The following PUM1 variants were observed in gnomAD, a reference collection of about 807,000 sequenced individuals.
The protein encoded by PUM1 is pumilio RNA binding family member 1.
In PUM1, 13 loss-of-function variants were observed where a neutral mutation model predicts 131.8. The observed-to-expected ratio is 0.10, with a 90% CI of 0.06 to 0.16. PUM1 has a LOEUF of 0.16. PUM1 is among the 10% of genes least tolerant of loss of function. The pLI, the probability that PUM1 is intolerant of heterozygous loss-of-function variation, is 1.00. For missense variants in PUM1, 961 were observed against 1,512.4 expected (o/e 0.64, Z 6.05); for synonymous variants, 509 against 556.5 (o/e 0.91, Z 1.20).
intron 21 of PUM1, among the ~76,000 whole-genome samples, chr1:30,934,955 G>A (rs1000409213): frequency 6.6e-6 from 1 of 152,126 alleles, no homozygotes; most frequent in African/African-American, 2.4e-5. Flanking sequence ...ACTTAGTAAT[G>A]GAAGAGCTGA....
chr1:31,009,767 CA>C (rs751375199), intron 3 of PUM1, among the ~76,000 whole-genome samples: 110 of 54,668 alleles, frequency 2.0e-3, no homozygotes, highest in East Asian at 3.4e-3. Flanking sequence ...GACTCTGTCT[CA>C]AAAAAAAAAA....
chr1:31,021,097 AC>A (rs577298127), intron 3 of PUM1, among the ~76,000 whole-genome samples: 4 of 152,242 alleles, frequency 2.6e-5, no homozygotes, highest in Non-Finnish European at 5.9e-5. Flanking sequence ...TAACAACGTA[AC>A]AACTATATTA....
At chr1:31,037,730 G>T (rs1643659883) in intron 2 of PUM1, among the ~76,000 whole-genome samples, 1 of 150,944 alleles carries the variant, frequency 6.6e-6, no homozygotes, top group African/African-American at 2.4e-5. Flanking sequence ...AGGAATATAA[G>T]ATTATTCAGG....
At chr1:31,038,985 T>TATATATATA (rs879343889) in intron 2 of PUM1, among the ~76,000 whole-genome samples, 32 of 32,992 alleles carry the variant, frequency 9.7e-4, no homozygotes, top group Admixed American at 2.0e-3. Context: ...TATATATATA[T>TATATATATA]TTTTTTTTTT....
At chr1:30,972,098 T>C (rs1174643293) in intron 10 of PUM1, among the ~76,000 whole-genome samples, 1 of 150,176 alleles carries the variant, frequency 6.7e-6, no homozygotes, top group East Asian at 2.0e-4. Flanking sequence ...CTACCAAAAA[T>C]ACAAAAACTA....
intron 20 of PUM1, among the ~76,000 whole-genome samples, chr1:30,938,285 C>T (rs983581504): frequency 1.3e-5 from 2 of 152,190 alleles, no homozygotes; most frequent in Non-Finnish European, 1.5e-5. Context: ...GACAGTCTCG[C>T]TCTGTCACCT....
chr1:31,046,938 T>G (rs548834659), intron 2 of PUM1, among the ~76,000 whole-genome samples: 2 of 152,242 alleles, frequency 1.3e-5, no homozygotes, highest in East Asian at 3.9e-4. Context: ...ACGCCTGTAA[T>G]CTCAGCACTT....
chr1:30,969,147 T>C (rs1415058071), intron 10 of PUM1, among the ~76,000 whole-genome samples: 1 of 151,436 alleles, frequency 6.6e-6, no homozygotes, highest in African/African-American at 2.4e-5. Flanking sequence ...CTACTAAAAC[T>C]ACAAAAATTA....
At chr1:30,968,582 T>A in intron 10 of PUM1, 90 bp from the exon 11 acceptor site, 1 of 1,352,318 alleles carries the variant, frequency 7.4e-7, no homozygotes, top group Non-Finnish European at 1.0e-6. Flanking sequence ...TTTTAAAACT[T>A]AATTGTAAAT....
chr1:30,936,452 T>TG (rs1639213452), intron 21 of PUM1, among the ~76,000 whole-genome samples, 191 bp downstream of exon 21: 4 of 152,178 alleles, frequency 2.6e-5, no homozygotes, highest in African/African-American at 4.8e-5. Context: ...AGTGTGGCTA[T>TG]TGATAAGGGA....
At chr1:30,937,046 C>T (rs914958685) in intron 20 of PUM1, among the ~76,000 whole-genome samples, 2 of 152,064 alleles carry the variant, frequency 1.3e-5, no homozygotes, top group Non-Finnish European at 2.9e-5. Flanking sequence ...AAAGGGGGAA[C>T]GTGGCATTAA....
At chr1:31,018,453 C>T (rs973217246) in intron 3 of PUM1, among the ~76,000 whole-genome samples, 1 of 152,036 alleles carries the variant, frequency 6.6e-6, no homozygotes, top group African/African-American at 2.4e-5. Flanking sequence ...GTCAGGAGTT[C>T]GAGACCCAGC....
chr1:30,959,159 G>A (rs956947123), intron 14 of PUM1, among the ~76,000 whole-genome samples: 2 of 152,190 alleles, frequency 1.3e-5, no homozygotes, highest in African/African-American at 4.8e-5. Flanking sequence ...TAAATGCCCA[G>A]GCTAAGACTG....
At chr1:30,957,646 A>G (rs952650770) in intron 14 of PUM1, among the ~76,000 whole-genome samples, 11 of 152,350 alleles carry the variant, frequency 7.2e-5, no homozygotes, top group African/African-American at 2.6e-4. Flanking sequence ...GCATAATTGT[A>G]TATAAGGGAT....
chr1:30,992,359 G>C (rs766610629), intron 7 of PUM1, 31 bp downstream of exon 7: 2 of 1,601,068 alleles, frequency 1.2e-6, no homozygotes. Context: ...TGGAGGGAGA[G>C]TAGAGAGGGT....
rs879916221 is a variant in PUM1, at chr1:30,986,552, T to TA, written c.1159-5148dup. Among the ~76,000 whole-genome samples, 921 of 143,930 alleles carry TA rather than the reference T, an allele frequency of 6.4e-3. 9 individuals carry two copies. The highest frequency in any genetic ancestry group is 0.021 in the African/African-American group (824 of 39,418). The allele number at this position is 143,930 out of a possible 152,430, so 94.4% of individuals were successfully genotyped here. On this transcript the variant is annotated intron_variant, in intron 7 of 21. Coordinates refer to ENST00000426105, the MANE Select transcript of PUM1 (RefSeq NM_001020658.2). ...TACAAATTAAACCATGCTGCTAAAC[T>TA]AAAAAAAAAAAATCATCATCATCAT...
intron 19 of PUM1, 112 bp from the exon 20 acceptor site, chr1:30,941,384 T>C (rs2124388536): frequency 2.6e-6 from 3 of 1,132,634 alleles, no homozygotes; most frequent in East Asian, 2.5e-5. Flanking sequence ...CATAACGGTT[T>C]ATATGAATAC....
intron 2 of PUM1, among the ~76,000 whole-genome samples, chr1:31,042,848 T>C (rs544363068): frequency 6.6e-6 from 1 of 152,328 alleles, no homozygotes; most frequent in South Asian, 2.1e-4. Flanking sequence ...CACTGCAGAC[T>C]CCACCTCCAA....
At chr1:31,009,822 C>G (rs1273438060) in intron 3 of PUM1, among the ~76,000 whole-genome samples, 2 of 141,830 alleles carry the variant, frequency 1.4e-5, no homozygotes, top group Non-Finnish European at 3.1e-5. Context: ...CCTCAAGGAA[C>G]AGTTTCCAAA....
Sources: gnomAD v4.1 joint callset for allele counts (sites outside exome capture counted in the v4.1 genomes callset) on GRCh38, gnomAD v4.1.1 for gene constraint, MANE v1.5 for transcripts, NCBI Gene and HGNC (gene_info 2026-07-23, HGNC 2026-07-21) for gene names.